Variants in PSMD9 observed in about 807,000 individuals in gnomAD.
The protein encoded by PSMD9 is 26S proteasome non-ATPase regulatory subunit 9.
A neutral mutation model predicts 25.9 loss-of-function variants in PSMD9; 26 were observed. The ratio of observed to expected loss-of-function variants is 1.00; its 90% CI spans 0.73 to 1.39. The LOEUF (loss-of-function observed/expected upper bound fraction) is 1.39, where lower values mean the gene tolerates loss of function less well. PSMD9 is among the 40% of genes most tolerant of loss of function. PSMD9 has a pLI of 0.00. For missense variants in PSMD9, 303 were observed against 299.3 expected (o/e 1.01, Z -0.09); for synonymous variants, 110 against 114.5 (o/e 0.96, Z 0.25).
intron 3 of PSMD9, 122 bp downstream of exon 3, chr12:121,899,967 T>C (rs1879344031): frequency 2.6e-6 from 3 of 1,140,736 alleles, no homozygotes; most frequent in Admixed American, 4.2e-5. Context: ...CAGTTACTCA[T>C]TTAACAAACA....
intron 1 of PSMD9, 142 bp downstream of exon 1, chr12:121,889,136 T>A: frequency 9.4e-7 from 1 of 1,062,834 alleles, no homozygotes; most frequent in Non-Finnish European, 1.3e-6. Flanking sequence ...GCGGCCTCTG[T>A]CGGCACAAGA....
Position 121,916,954 on chromosome 12 carries a change from A to G in PSMD9, c.*643A>G, listed in dbSNP as rs1168919373. Reference sequence around the variant, plus strand: ...CCTCTTTAGGAACCCACCAGAGGGCAGCAAGCTCCTTTCACTTCGCTAGTA... The same window carrying G: ...CCTCTTTAGGAACCCACCAGAGGGCGGCAAGCTCCTTTCACTTCGCTAGTA... On this transcript the variant is annotated 3_prime_UTR_variant, in exon 6 of 6. Transcript: ENST00000541212. 6.6e-6 allele frequency: 1 copy of G among 152,314 alleles called. No homozygotes were observed. 9.4% of individuals were successfully genotyped at this position (152,314 alleles called of 1,614,324 possible). A position where few individuals can be genotyped will look rare whatever the true frequency, so the allele number is the denominator to read the frequency against.
intron 4 of PSMD9, among the ~76,000 whole-genome samples, chr12:121,913,027 C>T (rs1879778365): frequency 1.3e-5 from 2 of 151,042 alleles, no homozygotes; most frequent in African/African-American, 4.9e-5. Flanking sequence ...AACTCCGCCT[C>T]CTGGGTTGAC....
At chr12:121,911,075 T>C in intron 4 of PSMD9, 1 of 447,808 alleles carries the variant, frequency 2.2e-6, no homozygotes, top group Non-Finnish European at 4.5e-6. Flanking sequence ...TGTCTCGCTC[T>C]GTTGCCCAGG....
chr12:121,907,118 G>A (rs1879583956), intron 4 of PSMD9, among the ~76,000 whole-genome samples: 1 of 151,854 alleles, frequency 6.6e-6, no homozygotes, highest in Admixed American at 6.6e-5. Context: ...TGCCTAGGCT[G>A]GAGTGCAATG....
Position 121,888,982 on chromosome 12 carries a change from C to G in PSMD9, c.126C>G (p.Asp42Glu), listed in dbSNP as rs1049649903. 3 of 1,587,084 alleles carry G rather than the reference C, an allele frequency of 1.9e-6. No homozygotes were observed. In the Admixed American group the frequency reaches 5.5e-5, roughly 29 times the overall value. ...AAGCGCAGATCAAGGCCAACTATGACGTGCTGGAAAGCGTGAGTGTGGGTT... is the reference window on the plus strand; with the variant it reads ...AAGCGCAGATCAAGGCCAACTATGAGGTGCTGGAAAGCGTGAGTGTGGGTT... ...EIEAQIKANY[D>E]VLESQKGIGM... The change falls in exon 1 of 6, where the codon GAC (aspartate) becomes GAG (glutamate). Residue 42 changes from aspartate (D) to glutamate (E), a missense_variant. Physicochemically the swap from Asp to Glu is conservative, Grantham distance 45. Transcript: ENST00000541212.
intron 4 of PSMD9, among the ~76,000 whole-genome samples, chr12:121,909,377 A>C (rs2135729840): frequency 6.6e-6 from 1 of 151,280 alleles, no homozygotes; most frequent in East Asian, 1.9e-4. Flanking sequence ...GCAGTGGTGC[A>C]ATCATAGCTC....
In PSMD9 at chr12:121,903,113, T is replaced by C; in HGVS notation, c.555+6T>C. ...TGGTGCAGCACAGTGAGGGGGTGAG[T>C]GGGGCTACCTGGTGTCTCGGTCTGT... On this transcript the variant is annotated splice_donor_region_variant and intron_variant, in intron 4 of 5. Transcript: ENST00000541212. 20 of 1,609,440 alleles carry C rather than the reference T, an allele frequency of 1.2e-5. No homozygotes were observed. The highest frequency in any genetic ancestry group is 1.7e-5 in the Non-Finnish European group (20 of 1,176,178).
chr12:121,916,561 G>A lies in PSMD9; in HGVS notation c.*250G>A. Reference sequence around the variant, plus strand: ...TAAATAGGAATTCCCTGGATTGTGGGCAAGTGGGCGGAAGTTATTCTGGCA... The same window carrying A: ...TAAATAGGAATTCCCTGGATTGTGGACAAGTGGGCGGAAGTTATTCTGGCA... On this transcript the variant is annotated 3_prime_UTR_variant, in exon 6 of 6. Coordinates refer to ENST00000541212, the MANE Select transcript of PSMD9 (RefSeq NM_002813.7). 1.8e-6 allele frequency: 1 copy of A among 549,876 alleles called. No homozygotes were observed. Among genetic ancestry groups the A allele is most frequent in the South Asian group, 2.5e-5 (1 of 40,692 alleles). The allele number at this position is 549,876 out of a possible 1,614,324, so 34.1% of individuals were successfully genotyped here.
chr12:121,902,036 A>C (rs1470634191), intron 3 of PSMD9: 1 of 152,134 alleles, frequency 6.6e-6, no homozygotes, highest in Admixed American at 6.5e-5. Context: ...ATCATATTTT[A>C]TTTATCCATT....
chr12:121,905,878 C>T (rs529100767), intron 4 of PSMD9, among the ~76,000 whole-genome samples: 2 of 151,834 alleles, frequency 1.3e-5, no homozygotes, highest in African/African-American at 4.9e-5. Context: ...ATTGCCACCA[C>T]GATGAAGGTC....
rs553156188 is a variant in PSMD9 at position 121,910,921 on chromosome 12, C to T, written c.556-4935C>T. 1.5e-4 allele frequency: 69 copies of T among 456,288 alleles called. 2 individuals carry two copies. The highest frequency in any genetic ancestry group is 1.0e-3 in the South Asian group (65 of 64,386). The allele number at this position is 456,288 out of a possible 1,614,324, so 28.3% of individuals were successfully genotyped here. A position where few individuals can be genotyped will look rare whatever the true frequency, so the allele number is the denominator to read the frequency against. ...CCCAAATCTCCATTAAACACTAACTCTCCATTCCCACTTTCCGCAGGCCCT... is the reference window on the plus strand; with the variant it reads ...CCCAAATCTCCATTAAACACTAACTTTCCATTCCCACTTTCCGCAGGCCCT... On this transcript the variant is annotated intron_variant, in intron 4 of 5. Transcript: ENST00000541212.
intron 4 of PSMD9, among the ~76,000 whole-genome samples, chr12:121,903,762 T>C (rs1039598636): frequency 7.9e-5 from 12 of 151,170 alleles, no homozygotes; most frequent in East Asian, 5.8e-4. Context: ...CTTTTTTTTT[T>C]TTTTTTTTTT....
intron 4 of PSMD9, among the ~76,000 whole-genome samples, chr12:121,908,937 T>C (rs1206843238): frequency 6.6e-6 from 1 of 152,084 alleles, no homozygotes; most frequent in Non-Finnish European, 1.5e-5. Context: ...GGTGTTAAGG[T>C]CAGGCCTGTG....
intron 1 of PSMD9, among the ~76,000 whole-genome samples, chr12:121,893,022 A>C (rs771219920): frequency 3.3e-5 from 5 of 152,214 alleles, no homozygotes; most frequent in Admixed American, 6.6e-5. Flanking sequence ...CACCAAATGG[A>C]CACTTTTGCC....
intron 4 of PSMD9, among the ~76,000 whole-genome samples, chr12:121,904,639 T>TTTTTTTTTATTATTATTA: frequency 7.2e-6 from 1 of 138,948 alleles, no homozygotes; most frequent in African/African-American, 2.8e-5. Context: ...CCATCTGAAA[T>TTTTTTTTTATTATTATTA]TTATTATTAT....
chr12:121,915,830 A>G lies in PSMD9; in HGVS notation c.556-26A>G, dbSNP rs761476433. The G allele has an allele frequency of 1.9e-6, 3 of 1,591,204 alleles. No homozygotes were observed. In the Admixed American group the frequency reaches 5.2e-5, roughly 28 times the overall value. On this transcript the variant is annotated intron_variant, in intron 4 of 5. Coordinates refer to ENST00000541212, the MANE Select transcript of PSMD9 (RefSeq NM_002813.7). Reference sequence around the variant, plus strand: ...TCTCTGAGTACTAACGAGGCTGAACACGAAATGAGCTTATTTTCTTTTCAG... The same window carrying G: ...TCTCTGAGTACTAACGAGGCTGAACGCGAAATGAGCTTATTTTCTTTTCAG...
intron 1 of PSMD9, among the ~76,000 whole-genome samples, chr12:121,891,472 C>T (rs905851973): frequency 4.7e-5 from 7 of 148,426 alleles, no homozygotes; most frequent in Non-Finnish European, 4.5e-5. Context: ...TGGTGGCCAG[C>T]GCCTGTAGTC....
intron 1 of PSMD9, among the ~76,000 whole-genome samples, chr12:121,890,566 C>T (rs1333831044): frequency 6.6e-6 from 1 of 152,142 alleles, no homozygotes; most frequent in Non-Finnish European, 1.5e-5. Context: ...CTCCTGGTGT[C>T]AAGCAATCCT....
Sources: allele counts gnomAD v4.1 joint callset (sites outside exome capture counted in the v4.1 genomes callset), GRCh38; gene constraint gnomAD v4.1.1; transcripts MANE v1.5; gene names NCBI Gene and HGNC (gene_info 2026-07-23, HGNC 2026-07-21).